ZNF77: variants seen among roughly 807,000 people sequenced by gnomAD.
The protein encoded by ZNF77 is zinc finger protein 77, also known as ZNFpT1.
In ZNF77, 15 loss-of-function variants were observed where a neutral mutation model predicts 13.5. The observed-to-expected ratio is 1.11, with a 90% CI of 0.74 to 1.71. The LOEUF is 1.71. Ranked by LOEUF, ZNF77 falls within the 40% of genes most tolerant of loss-of-function variation. ZNF77 has a pLI of 0.00. For missense variants in ZNF77, 717 were observed against 676.4 expected (o/e 1.06, Z -0.67); for synonymous variants, 282 against 250.0 (o/e 1.13, Z -1.21).
intron 1 of ZNF77, among the ~76,000 whole-genome samples, chr19:2,943,141 T>C (rs11084977): frequency 0.62 from 93,694 of 151,264 alleles, 29,312 homozygotes; most frequent in East Asian, 0.83. Context: ...CCTGCAGCTG[T>C]CTCCCTGTGG....
rs138211064 is a variant in ZNF77 at position 2,939,650 on chromosome 19, T to A, written c.4-243A>T. On this transcript the variant is annotated intron_variant, in intron 1 of 3. Transcript: ENST00000314531. Reference sequence around the variant, plus strand: ...AAGAATTACTGAGAAACGGCAGGTATGAGGGTGGGGAAACACTGAAAAATC... The same window carrying A: ...AAGAATTACTGAGAAACGGCAGGTAAGAGGGTGGGGAAACACTGAAAAATC... The A allele has an allele frequency of 2.2e-5, 11 of 499,770 alleles. No homozygotes were observed. In the East Asian group the frequency reaches 4.0e-4, roughly 18 times the overall value. 31.0% of individuals were successfully genotyped at this position (499,770 alleles called of 1,614,324 possible).
intron 1 of ZNF77, among the ~76,000 whole-genome samples, chr19:2,943,756 C>G (rs553169715): frequency 8.4e-4 from 110 of 131,344 alleles, no homozygotes; most frequent in African/African-American, 3.1e-3. Flanking sequence ...TGTCGCCAGG[C>G]TGGAGTGCAG....
chr19:2,936,661 C>A lies in ZNF77; in HGVS notation c.174G>T (p.Arg58Ser), dbSNP rs765070952. 2 of 1,609,186 alleles carry A rather than the reference C, an allele frequency of 1.2e-6. No individual in the cohort carries two copies. Among genetic ancestry groups the A allele is most frequent in the African/African-American group, 2.7e-5 (2 of 74,658 alleles). Reference sequence around the variant, plus strand: ...TGGATATTCCATTCCCAAAAACGTCCCTCTGAGAACTTGATCCACTGGTTC... The same window carrying A: ...TGGATATTCCATTCCCAAAAACGTCACTCTGAGAACTTGATCCACTGGTTC... ...YVRTSGSSSQRDVFGNGISND... is the reference protein window; with the variant it reads ...YVRTSGSSSQSDVFGNGISND... Residue 58 changes from arginine to serine, a missense_variant, in exon 3 of 4, where the codon AGG becomes AGT. Physicochemically the swap from Arg to Ser is moderately radical, Grantham distance 110. Coordinates refer to ENST00000314531, the MANE Select transcript of ZNF77 (RefSeq NM_021217.3).
chr19:2,934,420 C>A lies in ZNF77; in HGVS notation c.707G>T (p.Gly236Val). 6.2e-7 allele frequency: 1 copy of A among 1,614,154 alleles called. No individual in the cohort carries two copies. Among genetic ancestry groups the A allele is most frequent in the South Asian group, 1.1e-5 (1 of 91,082 alleles). ...TACTTTACATGCATGGGTTTTCTGC[C>A]CATGATGACTATTCACATGTCCCCT... ...SFRGHVNSHH[G>V]QKTHACKVCG... The change falls in exon 4 of 4, where the codon GGG becomes GTG. Residue 236 changes from glycine (G) to valine (V), a missense_variant. Gly to Val is a moderately radical substitution (Grantham distance 109, BLOSUM62 -3). Coordinates refer to ENST00000314531, the MANE Select transcript of ZNF77 (RefSeq NM_021217.3).
intron 1 of ZNF77, among the ~76,000 whole-genome samples, chr19:2,942,166 G>T (rs556244561): frequency 6.6e-6 from 1 of 150,498 alleles, no homozygotes; most frequent in South Asian, 2.1e-4. Context: ...CCGCCTCCCC[G>T]GTTCAAGCGA....
At chr19:2,941,791 C>T (rs2088451054) in intron 1 of ZNF77, among the ~76,000 whole-genome samples, 1 of 152,188 alleles carries the variant, frequency 6.6e-6, no homozygotes, top group African/African-American at 2.4e-5. Context: ...AGCAGGGTCC[C>T]CCACTGTCAC....
In ZNF77 at chr19:2,933,482, C is replaced by T. The variant is rs3786948; in HGVS notation, c.*7G>A. 0.82 allele frequency: 1,270,744 copies of T among 1,545,660 alleles called. 528,960 individuals carry two copies. Among genetic ancestry groups the T allele is most frequent in the Non-Finnish European group, 0.86 (982,662 of 1,143,742 alleles). ...AACACTCTCCCAGGTCCACTGTATT[C>T]GTAGATTCACGCTCCAGCATGTGTT... On this transcript the variant is annotated 3_prime_UTR_variant, in exon 4 of 4. Transcript: ENST00000314531.
chr19:2,933,806 A>C lies in ZNF77; in HGVS notation c.1321T>G (p.Cys441Gly), dbSNP rs1381072665. The stretch of plus-strand genomic sequence containing the variant: ...GAGTGACAGCTGAAGGCTTTCCCAC[A>C]ATGCTTACACTCAAAGGGCTTCTCT... ...TGEKPFECKH[C>G]GKAFSCHSSL... Residue 441 changes from cysteine to glycine, a missense_variant, in exon 4 of 4, where the codon TGT becomes GGT. Transcript: ENST00000314531. 5.6e-6 allele frequency: 9 copies of C among 1,613,058 alleles called. No homozygotes were observed. Among genetic ancestry groups the C allele is most frequent in the Non-Finnish European group, 7.6e-6 (9 of 1,179,296 alleles).
In ZNF77 at chr19:2,933,796, GC is replaced by G. The variant is rs1286676161; in HGVS notation, c.1330del (p.Ala444ProfsTer40). Reference protein sequence around the residue: ...KPFECKHCGKAFSCHSSLREH... With the variant: ...KPFECKHCGKXFSCHSSLREH... Reference sequence around the variant, plus strand: ...TCGAAGGGAGGAGTGACAGCTGAAGGCTTTCCCACAATGCTTACACTCAAAG... The same window carrying G: ...TCGAAGGGAGGAGTGACAGCTGAAGGTTTCCCACAATGCTTACACTCAAAG... On this transcript the variant is annotated frameshift_variant, in exon 4 of 4. Coordinates refer to ENST00000314531, the MANE Select transcript of ZNF77 (RefSeq NM_021217.3). LOFTEE classifies it low-confidence loss of function (END_TRUNC). 6.2e-7 allele frequency: 1 copy of G among 1,613,274 alleles called. No homozygotes were observed. Among genetic ancestry groups the G allele is most frequent in the Admixed American group, 1.7e-5 (1 of 59,988 alleles).
In ZNF77 at chr19:2,934,066, C is replaced by T. The variant is rs768739092; in HGVS notation, c.1061G>A (p.Cys354Tyr). 1 of 1,614,186 alleles carries T rather than the reference C, an allele frequency of 6.2e-7. No individual in the cohort carries two copies. The highest frequency in any genetic ancestry group is 8.5e-7 in the Non-Finnish European group (1 of 1,180,026). Residue 354 changes from cysteine to tyrosine, a missense_variant, in exon 4 of 4, where the codon TGT becomes TAT. Cys to Tyr is a radical substitution (Grantham distance 194). Transcript: ENST00000314531. ...RTHSGEKPYE[C>Y]KECGKAFRYP... ...CCTGAAGGCTTTGCCGCATTCCTTA[C>T]ATTCATAGGGTTTCTCTCCACTGTG...
At chr19:2,942,784 C>T (rs2088461886) in intron 1 of ZNF77, among the ~76,000 whole-genome samples, 1 of 151,766 alleles carries the variant, frequency 6.6e-6, no homozygotes, top group Non-Finnish European at 1.5e-5. Flanking sequence ...AAATCCCATT[C>T]TTTGTCATCA....
Position 2,934,411 on chromosome 19 carries a change from G to GT in ZNF77, c.715dup (p.Thr239AsnfsTer5). Reference sequence around the variant, plus strand: ...CTTCCCACATACTTTACATGCATGGGTTTTCTGCCCATGATGACTATTCAC... The same window carrying GT: ...CTTCCCACATACTTTACATGCATGGGTTTTTCTGCCCATGATGACTATTCAC... On this transcript the variant is annotated frameshift_variant, in exon 4 of 4. Coordinates refer to ENST00000314531, the MANE Select transcript of ZNF77 (RefSeq NM_021217.3). LOFTEE classifies it low-confidence loss of function (END_TRUNC). 1.9e-6 allele frequency: 3 copies of GT among 1,614,228 alleles called. No individual in the cohort carries two copies. Among genetic ancestry groups the GT allele is most frequent in the Non-Finnish European group, 2.5e-6 (3 of 1,180,044 alleles).
intron 3 of ZNF77, among the ~76,000 whole-genome samples, chr19:2,935,317 C>CTTTT (rs1252033488): frequency 9.4e-6 from 1 of 106,098 alleles, no homozygotes; most frequent in Non-Finnish European, 1.9e-5. Flanking sequence ...CACACCCAGC[C>CTTTT]TTTTTTTTTT....
Position 2,934,102 on chromosome 19 carries a change from T to C in ZNF77, c.1025A>G (p.His342Arg), listed in dbSNP as rs759981598. 60 of 1,613,922 alleles carry C rather than the reference T, an allele frequency of 3.7e-5. No homozygotes were observed. In the Middle Eastern group the frequency reaches 6.6e-4, roughly 18 times the overall value. ...AFTCYSSLRE[H>R]GRTHSGEKPY... ...TTTCTCTCCACTGTGCGTTCTCCCATGTTCTCGAAGAGACGAGTAACAAGT... is the reference window on the plus strand; with the variant it reads ...TTTCTCTCCACTGTGCGTTCTCCCACGTTCTCGAAGAGACGAGTAACAAGT... Residue 342 changes from histidine to arginine, a missense_variant, in exon 4 of 4, where the codon CAT becomes CGT. His to Arg is a conservative substitution (Grantham distance 29). Coordinates refer to ENST00000314531, the MANE Select transcript of ZNF77 (RefSeq NM_021217.3).
In ZNF77 at chr19:2,933,812, T is replaced by C. The variant is rs779666758; in HGVS notation, c.1315A>G (p.Lys439Glu). ...THTGEKPFEC[K>E]HCGKAFSCHS... ...CAGCTGAAGGCTTTCCCACAATGCTTACACTCAAAGGGCTTCTCTCCAGTA... is the reference window on the plus strand; with the variant it reads ...CAGCTGAAGGCTTTCCCACAATGCTCACACTCAAAGGGCTTCTCTCCAGTA... The change falls in exon 4 of 4, where the codon AAG (lysine) becomes GAG (glutamate). Residue 439 changes from lysine (K) to glutamate (E), a missense_variant. Transcript: ENST00000314531. 2 of 1,613,254 alleles carry C rather than the reference T, an allele frequency of 1.2e-6. No homozygotes were observed. The highest frequency in any genetic ancestry group is 1.7e-6 in the Non-Finnish European group (2 of 1,179,406).
At chr19:2,941,704 T>C (rs1431350217) in intron 1 of ZNF77, among the ~76,000 whole-genome samples, 1 of 152,214 alleles carries the variant, frequency 6.6e-6, no homozygotes, top group African/African-American at 2.4e-5. Context: ...CTAATCGGAA[T>C]TGCCGCTTCT....
intron 2 of ZNF77, among the ~76,000 whole-genome samples, chr19:2,937,841 C>T (rs1482902931): frequency 1.3e-5 from 2 of 152,098 alleles, no homozygotes; most frequent in Non-Finnish European, 2.9e-5. Context: ...ACTGCAACCT[C>T]CGTGTCCTGG....
In ZNF77 at chr19:2,934,598, G is replaced by A; in HGVS notation, c.529C>T (p.Gln177Ter). The A allele has an allele frequency of 6.2e-7, 1 of 1,614,078 alleles. No homozygotes were observed. The highest frequency in any genetic ancestry group is 1.6e-4 in the Middle Eastern group (1 of 6,062). The change falls in exon 4 of 4, where the codon CAA becomes TAA. Residue 177 changes from glutamine to a stop codon, truncating the protein, a stop_gained. Transcript: ENST00000314531. LOFTEE classifies it low-confidence loss of function (END_TRUNC). ...GTCTGCGTTTTCATAGGAGGGCTTT[G>A]GCAGGAGAGGCAGCTGCAGGCTTGC... ...CGQACSCLSC[Q>*]SPPMKTQTVE...
Position 2,941,174 on chromosome 19 carries a change from C to CAA in ZNF77, c.4-1769_4-1768dup, listed in dbSNP as rs142541120. Among the ~76,000 whole-genome samples the CAA allele has an allele frequency of 4.6e-3, 285 of 61,402 alleles. 5 individuals carry two copies. The highest frequency in any genetic ancestry group is 0.014 in the Middle Eastern group (1 of 70). 40.3% of individuals were successfully genotyped at this position (61,402 alleles called of 152,430 possible). A position where few individuals can be genotyped will look rare whatever the true frequency, so the allele number is the denominator to read the frequency against. On this transcript the variant is annotated intron_variant, in intron 1 of 3. Coordinates refer to ENST00000314531, the MANE Select transcript of ZNF77 (RefSeq NM_021217.3). ...TGGGTGACAGAGAGACGCCCTACCTCAAAAAAAAAAAAAAAAAAAAAGGCT... is the reference window on the plus strand; with the variant it reads ...TGGGTGACAGAGAGACGCCCTACCTCAAAAAAAAAAAAAAAAAAAAAAAGGCT...
Sources: gnomAD v4.1 joint callset for allele counts (sites outside exome capture counted in the v4.1 genomes callset) on GRCh38, gnomAD v4.1.1 for gene constraint, MANE v1.5 for transcripts, NCBI Gene and HGNC (gene_info 2026-07-23, HGNC 2026-07-21) for gene names.